KLF12: variants seen among roughly 807,000 people sequenced by gnomAD.
KLF12 encodes the protein KLF transcription factor 12.
Under a neutral mutation model 37.8 loss-of-function variants are expected in KLF12, and 9 were observed. That is an observed-to-expected ratio of 0.24 (90% CI 0.14 to 0.42). The LOEUF is 0.42. Among genes scored for constraint, KLF12 ranks in the 10% least tolerant of loss-of-function variants. KLF12 has a pLI of 1.00. For synonymous variants in KLF12, 208 were observed against 202.1 expected (o/e 1.03, Z -0.25); for missense variants, 411 against 516.0 (o/e 0.80, Z 1.97).
At chr13:73,741,694 A>G (rs377067131) in intron 6 of KLF12, among the ~76,000 whole-genome samples, 1 of 151,924 alleles carries the variant, frequency 6.6e-6, no homozygotes, top group African/African-American at 2.4e-5. Flanking sequence ...ATGTTTATCA[A>G]TAGCTCCTTT....
At chr13:73,983,420 CCT>C (rs1891740311) in intron 2 of KLF12, among the ~76,000 whole-genome samples, 2 of 152,286 alleles carry the variant, frequency 1.3e-5, no homozygotes, top group Middle Eastern at 3.4e-3. Context: ...GGTTCGTGAA[CCT>C]CTGTCTGAAT....
chr13:74,011,605 A>C (rs1434520693), intron 1 of KLF12, among the ~76,000 whole-genome samples: 1 of 152,232 alleles, frequency 6.6e-6, no homozygotes, highest in Admixed American at 6.5e-5. Context: ...AGATCCAAAA[A>C]GCAAAACTCG....
intron 1 of KLF12, among the ~76,000 whole-genome samples, chr13:74,053,230 A>G (rs1873029016): frequency 6.6e-6 from 1 of 152,072 alleles, no homozygotes; most frequent in South Asian, 2.1e-4. Flanking sequence ...GAAAAATTCC[A>G]TTTGCCATTT....
At chr13:74,073,345 A>G (rs937865308) in intron 1 of KLF12, among the ~76,000 whole-genome samples, 1 of 152,226 alleles carries the variant, frequency 6.6e-6, no homozygotes, top group Non-Finnish European at 1.5e-5. Context: ...GATTGAGGGT[A>G]GGACAGTGGA....
chr13:73,708,679 T>C (rs1875135017), intron 7 of KLF12, among the ~76,000 whole-genome samples: 1 of 152,156 alleles, frequency 6.6e-6, no homozygotes, highest in Non-Finnish European at 1.5e-5. Flanking sequence ...TAGTGAGAAT[T>C]CTAAAAGGCA....
chr13:73,866,173 TGAACCTG>T (rs761926989), intron 3 of KLF12, among the ~76,000 whole-genome samples: 2 of 152,154 alleles, frequency 1.3e-5, no homozygotes, highest in Non-Finnish European at 2.9e-5. Context: ...GAGAATCTCT[TGAACCTG>T]GAAGGCAGAG....
chr13:73,726,469 C>A (rs1566322589), intron 6 of KLF12, among the ~76,000 whole-genome samples: 1 of 152,158 alleles, frequency 6.6e-6, no homozygotes, highest in Admixed American at 6.5e-5. Context: ...TTGGCAAGGA[C>A]TAATCTACTT....
intron 3 of KLF12, among the ~76,000 whole-genome samples, chr13:73,868,725 C>T (rs1886321521): frequency 6.6e-6 from 1 of 152,076 alleles, no homozygotes; most frequent in South Asian, 2.1e-4. Flanking sequence ...AAGGTTTATT[C>T]CGATAAATTT....
At chr13:74,098,241 G>A (rs1282432080) in intron 1 of KLF12, among the ~76,000 whole-genome samples, 1 of 152,186 alleles carries the variant, frequency 6.6e-6, no homozygotes, top group African/African-American at 2.4e-5. Flanking sequence ...ACATTGAGGT[G>A]AGAACATTGC....
chr13:73,920,805 C>T (rs1014982660), intron 3 of KLF12, among the ~76,000 whole-genome samples: 2 of 152,090 alleles, frequency 1.3e-5, no homozygotes, highest in African/African-American at 4.8e-5. Context: ...GGCTCTTTGA[C>T]TTGCTGAGTA....
chr13:74,254,865 C>T, the KLF12 span, among the ~76,000 whole-genome samples: 10 of 152,076 alleles, frequency 6.6e-5, no homozygotes, highest in African/African-American at 2.4e-4. Context: ...CTGAAATATG[C>T]AGGCTTTACC....
the KLF12 span, among the ~76,000 whole-genome samples, chr13:74,182,420 G>GGTT: frequency 6.3e-3 from 959 of 152,292 alleles, 9 homozygotes; most frequent in African/African-American, 0.02. Context: ...TGGAAGACTA[G>GGTT]GTTTAAATCA....
At chr13:73,962,803 G>A (rs116144263) in intron 2 of KLF12, among the ~76,000 whole-genome samples, 2,549 of 152,208 alleles carry the variant, frequency 0.017, 66 homozygotes, top group African/African-American at 0.058. Context: ...ACTCACTTCA[G>A]GGGTACTATA....
chr13:73,806,417 G>C (rs1476711328), intron 5 of KLF12, among the ~76,000 whole-genome samples: 2 of 151,810 alleles, frequency 1.3e-5, no homozygotes, highest in East Asian at 3.9e-4. Context: ...CTTTTTTTGA[G>C]GAGAGGTCCC....
chr13:74,058,753 A>T (rs1226038449), intron 1 of KLF12, among the ~76,000 whole-genome samples: 1 of 152,218 alleles, frequency 6.6e-6, no homozygotes, highest in Non-Finnish European at 1.5e-5. Flanking sequence ...ATGATCATGA[A>T]TGAGACCTGC....
the KLF12 span, among the ~76,000 whole-genome samples, chr13:74,301,335 C>T: frequency 5.9e-5 from 9 of 152,112 alleles, no homozygotes; most frequent in African/African-American, 1.7e-4. Context: ...ATAAAGTCCA[C>T]CCAAAATAAG....
At chr13:74,305,732 C>T in the KLF12 span, among the ~76,000 whole-genome samples, 2 of 152,068 alleles carry the variant, frequency 1.3e-5, no homozygotes, top group Non-Finnish European at 2.9e-5. Context: ...ACAAATAAAA[C>T]ATAACACTAT....
the KLF12 span, among the ~76,000 whole-genome samples, chr13:74,177,089 G>A: frequency 6.6e-4 from 101 of 152,164 alleles, 1 homozygote; most frequent in South Asian, 5.4e-3. Context: ...GTCAGCTACC[G>A]GAAACCTAAT....
At chr13:74,136,185 A>G (rs1878547694), upstream of KLF12, among the ~76,000 whole-genome samples, 1 of 152,012 alleles carries the variant, frequency 6.6e-6, no homozygotes, top group South Asian at 2.1e-4. Context: ...GGGAGCGGGA[A>G]GGCGCGGGCG....
Sources: allele counts gnomAD v4.1 joint callset (sites outside exome capture counted in the v4.1 genomes callset), GRCh38; gene constraint gnomAD v4.1.1; transcripts MANE v1.5; gene names NCBI Gene and HGNC (gene_info 2026-07-23, HGNC 2026-07-21).